The following SLC9C1 variants were observed in gnomAD, a reference collection of about 807,000 sequenced individuals.
SLC9C1 encodes the protein sodium/hydrogen exchanger 10.
SLC9C1 carries 97 observed loss-of-function variants against 140.9 expected under a neutral mutation model. The observed-to-expected ratio is 0.69, with a 90% CI of 0.58 to 0.82. The LOEUF (loss-of-function observed/expected upper bound fraction) is 0.82. Among genes scored for constraint, SLC9C1 ranks in the 40% least tolerant of loss-of-function variants. The pLI is 0.00. For synonymous variants in SLC9C1, 440 were observed against 442.6 expected, an observed-to-expected ratio of 0.99 and a Z score of 0.07; for missense variants, 1,340 against 1,389.3, an observed-to-expected ratio of 0.96 and a Z score of 0.56.
intron 10 of SLC9C1, among the ~76,000 whole-genome samples, chr3:112,250,639 G>A (rs1349248934): frequency 6.6e-6 from 1 of 152,108 alleles, no homozygotes; most frequent in African/African-American, 2.4e-5. Context: ...ACACACACGT[G>A]AAACATGTGA....
intron 20 of SLC9C1, among the ~76,000 whole-genome samples, chr3:112,198,916 T>C (rs150615543): frequency 1.3e-5 from 2 of 152,108 alleles, no homozygotes; most frequent in South Asian, 2.1e-4. Flanking sequence ...GTACCATTTA[T>C]GTAACTTAGG....
intron 23 of SLC9C1, among the ~76,000 whole-genome samples, chr3:112,175,783 C>T (rs952485197): frequency 6.6e-6 from 1 of 152,282 alleles, no homozygotes. Context: ...TCATTGCCAC[C>T]GATTTGCTGG....
intron 5 of SLC9C1, among the ~76,000 whole-genome samples, chr3:112,275,563 C>T (rs1196189298): frequency 4.3e-5 from 6 of 140,766 alleles, no homozygotes. Context: ...TGATGGCATT[C>T]TAAGTTTAAA....
intron 2 of SLC9C1, among the ~76,000 whole-genome samples, chr3:112,286,098 C>T (rs899340192): frequency 6.6e-6 from 1 of 151,834 alleles, no homozygotes; most frequent in Non-Finnish European, 1.5e-5. Flanking sequence ...TTATGTGTTG[C>T]TATATCAAAA....
At chr3:112,279,387 A>T (rs2080300778) in intron 3 of SLC9C1, among the ~76,000 whole-genome samples, 1 of 152,220 alleles carries the variant, frequency 6.6e-6, no homozygotes, top group African/African-American at 2.4e-5. Context: ...TTTACTGTCC[A>T]GTGTAATAAA....
intron 20 of SLC9C1, among the ~76,000 whole-genome samples, chr3:112,184,896 A>T (rs1200488355): frequency 2.0e-5 from 3 of 152,140 alleles, no homozygotes; most frequent in African/African-American, 7.2e-5. Context: ...GTCTAGCAAG[A>T]CAATACACCA....
intron 10 of SLC9C1, among the ~76,000 whole-genome samples, chr3:112,260,038 C>A (rs1408582299): frequency 1.3e-5 from 2 of 152,040 alleles, no homozygotes; most frequent in Non-Finnish European, 2.9e-5. Flanking sequence ...GATTTCAATT[C>A]TTTCATGTCT....
chr3:112,227,455 T>C (rs1460257719), intron 13 of SLC9C1, among the ~76,000 whole-genome samples: 2 of 152,108 alleles, frequency 1.3e-5, no homozygotes, highest in East Asian at 1.9e-4. Flanking sequence ...TCAACACACG[T>C]AAGACATCAC....
At chr3:112,169,355 A>G in intron 23 of SLC9C1, 27 bp from the exon 24 acceptor site, 1 of 1,594,830 alleles carries the variant, frequency 6.3e-7, no homozygotes, top group Non-Finnish European at 8.5e-7. Context: ...TAAATTTGAT[A>G]TTTTATTTTG....
intron 28 of SLC9C1, chr3:112,151,262 G>A: frequency 2.0e-6 from 1 of 491,650 alleles, no homozygotes; most frequent in Non-Finnish European, 4.0e-6. Context: ...TTTCCCCATA[G>A]ATACATTTTG....
Position 112,141,223 on chromosome 3 carries a change from G to T in SLC9C1, c.*49C>A, listed in dbSNP as rs927261763. Reference sequence around the variant, plus strand: ...GGGAAGTGTGTTTCTGCAGCAGGAGGCCTCTCATAGCCACAGCATTAATAC... The same window carrying T: ...GGGAAGTGTGTTTCTGCAGCAGGAGTCCTCTCATAGCCACAGCATTAATAC... On this transcript the variant is annotated 3_prime_UTR_variant, in exon 29 of 29. Coordinates refer to ENST00000305815, the MANE Select transcript of SLC9C1 (RefSeq NM_183061.3). The T allele has an allele frequency of 6.6e-7, 1 of 1,522,404 alleles. No individual in the cohort carries two copies. The highest frequency in any genetic ancestry group is 8.8e-7 in the Non-Finnish European group (1 of 1,135,932). 94.3% of individuals were successfully genotyped at this position (1,522,404 alleles called of 1,614,324 possible).
intron 27 of SLC9C1, 113 bp from the exon 28 acceptor site, chr3:112,152,076 G>A: frequency 1.3e-6 from 1 of 749,790 alleles, no homozygotes; most frequent in Non-Finnish European, 2.0e-6. Flanking sequence ...ACTGAGAAAA[G>A]AAATAAGACA....
intron 23 of SLC9C1, among the ~76,000 whole-genome samples, chr3:112,175,421 G>A (rs1441701023): frequency 6.6e-6 from 1 of 152,136 alleles, no homozygotes; most frequent in African/African-American, 2.4e-5. Flanking sequence ...CAGTGAAAAG[G>A]AATGGGATCA....
chr3:112,167,294 G>A lies in SLC9C1; in HGVS notation c.3291C>T (p.Asn1097=), dbSNP rs780847244. 6.2e-7 allele frequency: 1 copy of A among 1,608,232 alleles called. No individual in the cohort carries two copies. Among genetic ancestry groups the A allele is most frequent in the Non-Finnish European group, 8.5e-7 (1 of 1,177,612 alleles). Residue 1097 remains asparagine (N), a synonymous_variant, in exon 26 of 29, where the codon AAC becomes AAT. Transcript: ENST00000305815. ...TKVVIIQTPI[N]MKTFRRNIRK... is the part of the protein sequence containing the mutation. Reference sequence around the variant, plus strand: ...TAATATTCCTTCTGAATGTTTTCATGTTAATCGGAGTTTGAATAATCACTA... The same window carrying A: ...TAATATTCCTTCTGAATGTTTTCATATTAATCGGAGTTTGAATAATCACTA...
At chr3:112,289,782 T>C (rs1329745567) in intron 1 of SLC9C1, among the ~76,000 whole-genome samples, 1 of 152,210 alleles carries the variant, frequency 6.6e-6, no homozygotes, top group Non-Finnish European at 1.5e-5. Flanking sequence ...TACCTAAACA[T>C]ATCAAGAACT....
rs1200817566 is a variant in SLC9C1 at position 112,209,101 on chromosome 3, A to G, written c.1791-728T>C. On this transcript the variant is annotated intron_variant, in intron 15 of 28. Coordinates refer to ENST00000305815, the MANE Select transcript of SLC9C1 (RefSeq NM_183061.3). ...TATTGTTGTTAAAATTCACATGATA[A>G]TGATTAATTAATTGCCGATTGAAGA... 2.6e-5 allele frequency among the ~76,000 whole-genome samples: 4 copies of G among 152,196 alleles called. No individual in the cohort carries two copies. The East Asian group carries it at 7.7e-4, about 29-fold the overall frequency.
At chr3:112,243,546 G>A (rs2079193740) in intron 11 of SLC9C1, among the ~76,000 whole-genome samples, 2 of 152,062 alleles carry the variant, frequency 1.3e-5, no homozygotes, top group South Asian at 4.1e-4. Context: ...TACCTTTTGG[G>A]TACTGTGGTC....
intron 14 of SLC9C1, among the ~76,000 whole-genome samples, chr3:112,218,231 G>A (rs1576369810): frequency 7.0e-6 from 1 of 142,282 alleles, no homozygotes; most frequent in Non-Finnish European, 1.5e-5. Flanking sequence ...ATCATGTCTT[G>A]TTTAGCCAAT....
At chr3:112,194,662 G>T (rs1249804617) in intron 20 of SLC9C1, among the ~76,000 whole-genome samples, 1 of 152,122 alleles carries the variant, frequency 6.6e-6, no homozygotes, top group Non-Finnish European at 1.5e-5. Context: ...AGGAATTACT[G>T]GATCATATGG....
Sources: gnomAD v4.1 joint callset for allele counts (sites outside exome capture counted in the v4.1 genomes callset) on GRCh38, gnomAD v4.1.1 for gene constraint, MANE v1.5 for transcripts, NCBI Gene and HGNC (gene_info 2026-07-23, HGNC 2026-07-21) for gene names.